SLC8A1: variants seen among roughly 807,000 people sequenced by gnomAD.
SLC8A1 encodes the protein sodium/calcium exchanger 1.
SLC8A1 carries 18 observed loss-of-function variants against 68.3 expected under a neutral mutation model. The observed-to-expected ratio is 0.26, with a 90% confidence interval of 0.18 to 0.39. The LOEUF (loss-of-function observed/expected upper bound fraction) is 0.39. SLC8A1 is among the 10% of genes least tolerant of loss of function. The pLI is 1.00. For synonymous variants in SLC8A1, 475 were observed against 415.5 expected (o/e 1.14, Z -1.74); for missense variants, 985 against 1,156.7 (o/e 0.85, Z 2.15).
In SLC8A1 at chr2:40,115,460, G is replaced by T. The variant is rs148215685; in HGVS notation, c.2607C>A (p.Gly869=). Residue 869 remains glycine, a synonymous_variant, in exon 8 of 8, where the codon GGC becomes GGA. Transcript: ENST00000406785. ...AGAGAGTGACAGAGAAAGCTAGTGT[G>T]CCAGGGGACACTTTGAACTGTTCCC... 9.2e-3 allele frequency: 14,822 copies of T among 1,614,176 alleles called. 93 individuals carry two copies. Among genetic ancestry groups the T allele is most frequent in the Non-Finnish European group, 0.01 (12,318 of 1,180,032 alleles).
intron 1 of SLC8A1, among the ~76,000 whole-genome samples, chr2:40,443,725 G>A (rs1700932592): frequency 6.6e-6 from 1 of 152,200 alleles, no homozygotes; most frequent in African/African-American, 2.4e-5. Context: ...CTACTGACCA[G>A]TCATATGTCC....
At chr2:40,216,644 C>T (rs2057529003) in intron 2 of SLC8A1, among the ~76,000 whole-genome samples, 1 of 152,080 alleles carries the variant, frequency 6.6e-6, no homozygotes, top group African/African-American at 2.4e-5. Context: ...TCCTATTTCT[C>T]CATTGTGTCG....
chr2:40,182,463 G>A (rs2049789216), intron 2 of SLC8A1, among the ~76,000 whole-genome samples: 1 of 151,998 alleles, frequency 6.6e-6, no homozygotes, highest in Non-Finnish European at 1.5e-5. Context: ...TTTTATGGAA[G>A]TACATTTTGG....
chr2:40,287,619 T>TGTGTGTGTGTGTGTGTGTGTGTGC (rs1218621116), intron 2 of SLC8A1, among the ~76,000 whole-genome samples: 3 of 148,392 alleles, frequency 2.0e-5, no homozygotes, highest in Non-Finnish European at 3.0e-5. Context: ...TGTGTGTGTG[T>TGTGTGTGTGTGTGTGTGTGTGTGC]GCATGCAGGG....
chr2:40,180,349 T>A (rs1341600359), intron 2 of SLC8A1, among the ~76,000 whole-genome samples: 1 of 152,228 alleles, frequency 6.6e-6, no homozygotes, highest in African/African-American at 2.4e-5. Context: ...GAATGATTGA[T>A]TATTTGATAA....
At chr2:40,506,116 T>C (rs2149941913) in intron 1 of SLC8A1, among the ~76,000 whole-genome samples, 1 of 151,836 alleles carries the variant, frequency 6.6e-6, no homozygotes, top group African/African-American at 2.4e-5. Context: ...TTTTTTTTTT[T>C]TTTTTGACCA....
chr2:40,187,162 C>A (rs908277730), intron 2 of SLC8A1, among the ~76,000 whole-genome samples: 1 of 152,138 alleles, frequency 6.6e-6, no homozygotes, highest in African/African-American at 2.4e-5. Flanking sequence ...AATGGGGCAT[C>A]CAAGTCCAGA....
intron 2 of SLC8A1, among the ~76,000 whole-genome samples, chr2:40,410,146 T>A (rs1691654138): frequency 6.6e-6 from 1 of 152,172 alleles, no homozygotes; most frequent in African/African-American, 2.4e-5. Flanking sequence ...CACATGACTC[T>A]TTGAAGTTTT....
intron 2 of SLC8A1, among the ~76,000 whole-genome samples, chr2:40,411,288 C>A (rs1196354852): frequency 1.3e-5 from 2 of 152,016 alleles, no homozygotes; most frequent in Non-Finnish European, 2.9e-5. Context: ...ACAGCATACA[C>A]TCAGCAAATA....
At chr2:40,355,619 C>T (rs1411443245) in intron 2 of SLC8A1, among the ~76,000 whole-genome samples, 1 of 152,160 alleles carries the variant, frequency 6.6e-6, no homozygotes, top group Non-Finnish European at 1.5e-5. Flanking sequence ...TTACCACACA[C>T]TGACCCATCT....
intron 2 of SLC8A1, among the ~76,000 whole-genome samples, chr2:40,247,097 G>C (rs1039742404): frequency 6.6e-6 from 1 of 152,164 alleles, no homozygotes. Context: ...TAGTATTATA[G>C]GAGAGTTTGG....
At chr2:40,416,988 TG>T (rs1487584448) in intron 2 of SLC8A1, among the ~76,000 whole-genome samples, 3 of 151,964 alleles carry the variant, frequency 2.0e-5, no homozygotes, top group Non-Finnish European at 4.4e-5. Context: ...AAAATAAAAA[TG>T]ATAATTTACC....
At chr2:40,348,049 C>A (rs1324279574) in intron 2 of SLC8A1, among the ~76,000 whole-genome samples, 1 of 152,094 alleles carries the variant, frequency 6.6e-6, no homozygotes, top group Non-Finnish European at 1.5e-5. Context: ...GGAAGGAGGT[C>A]AGTAATTTGG....
At chr2:40,303,985 C>A (rs969965875) in intron 2 of SLC8A1, among the ~76,000 whole-genome samples, 1 of 152,150 alleles carries the variant, frequency 6.6e-6, no homozygotes, top group African/African-American at 2.4e-5. Flanking sequence ...GTGACAGGCA[C>A]CCGGATCAAC....
At chr2:40,511,483 T>C (rs1331641221) in intron 1 of SLC8A1, among the ~76,000 whole-genome samples, 1 of 152,212 alleles carries the variant, frequency 6.6e-6, no homozygotes, top group Non-Finnish European at 1.5e-5. Context: ...TGGCTGGATT[T>C]ATCTGTATTC....
intron 2 of SLC8A1, among the ~76,000 whole-genome samples, chr2:40,238,470 C>G (rs973527762): frequency 2.0e-5 from 3 of 152,040 alleles, no homozygotes; most frequent in African/African-American, 7.2e-5. Flanking sequence ...GGCTCGCACA[C>G]GGTGCGCGCA....
intron 7 of SLC8A1, chr2:40,120,737 T>A (rs778609483): frequency 6.6e-6 from 1 of 152,226 alleles, no homozygotes; most frequent in Non-Finnish European, 1.5e-5. Context: ...CTACCTTTGA[T>A]CAAACTGTGA....
At chr2:40,363,923 C>T (rs982027357) in intron 2 of SLC8A1, among the ~76,000 whole-genome samples, 2 of 151,842 alleles carry the variant, frequency 1.3e-5, no homozygotes, top group African/African-American at 4.8e-5. Flanking sequence ...TATTTAGTGG[C>T]ATTTACATGT....
chr2:40,354,383 CA>C (rs11289069), intron 2 of SLC8A1, among the ~76,000 whole-genome samples: 69,619 of 152,004 alleles, frequency 0.46, 16,830 homozygotes, highest in Admixed American at 0.58. Context: ...TCTTTACCTT[CA>C]AGTCACACTC....
Sources: allele counts gnomAD v4.1 joint callset (sites outside exome capture counted in the v4.1 genomes callset), GRCh38; gene constraint gnomAD v4.1.1; transcripts MANE v1.5; gene names NCBI Gene and HGNC (gene_info 2026-07-23, HGNC 2026-07-21).